The following RSPO2 variants were observed in gnomAD, a reference collection of about 807,000 sequenced individuals.
RSPO2 encodes the protein R-spondin-2.
RSPO2 carries 14 observed loss-of-function variants against 30.9 expected under a neutral mutation model. The observed-to-expected ratio is 0.45, with a 90% confidence interval of 0.30 to 0.71. The LOEUF is 0.71. RSPO2 is among the 30% of genes least tolerant of loss of function. The probability of loss-of-function intolerance (pLI) is 0.08; values close to 1 mark genes in which losing one functional copy is unlikely to be tolerated. For missense variants in RSPO2, 264 were observed against 301.9 expected (o/e 0.87, Z 0.93); for synonymous variants, 107 against 96.4 (o/e 1.11, Z -0.64).
At position 107,978,904 on chromosome 8, in the gene RSPO2, T is replaced by C. The variant is rs1328883633; in HGVS notation, c.283+10152A>G. 3.9e-5 allele frequency among the ~76,000 whole-genome samples: 6 copies of C among 152,256 alleles called. No individual in the cohort carries two copies. The East Asian group carries it at 9.7e-4, about 25-fold the overall frequency. On this transcript the variant is annotated intron_variant, in intron 3 of 5. Coordinates refer to ENST00000276659, the MANE Select transcript of RSPO2 (RefSeq NM_178565.5). ...CAGACACTTCTCAAAAGAAGACATT[T>C]ATGCAGCCAAAAAACACATGAAAAA...
chr8:108,027,190 C>A (rs1322794681), intron 2 of RSPO2, among the ~76,000 whole-genome samples: 1 of 152,194 alleles, frequency 6.6e-6, no homozygotes, highest in Non-Finnish European at 1.5e-5. Context: ...AATAATAAAG[C>A]TCATCATTTA....
chr8:107,948,193 A>C (rs1346651284), intron 5 of RSPO2, among the ~76,000 whole-genome samples: 1 of 152,144 alleles, frequency 6.6e-6, no homozygotes, highest in East Asian at 1.9e-4. Context: ...CCTGGCTATA[A>C]ACTCTCTTGT....
intron 2 of RSPO2, among the ~76,000 whole-genome samples, chr8:108,054,881 G>C (rs1291232333): frequency 6.6e-6 from 1 of 152,100 alleles, no homozygotes; most frequent in Admixed American, 6.5e-5. Flanking sequence ...TGGAAGCCTG[G>C]GGTGGGCAGA....
At chr8:107,966,678 A>G (rs1364396944) in intron 3 of RSPO2, among the ~76,000 whole-genome samples, 2 of 152,170 alleles carry the variant, frequency 1.3e-5, no homozygotes, top group Non-Finnish European at 2.9e-5. Context: ...GCACTTGGCA[A>G]ATGGACAGAG....
chr8:108,054,939 C>T (rs1394087861), intron 2 of RSPO2, among the ~76,000 whole-genome samples: 1 of 151,948 alleles, frequency 6.6e-6, no homozygotes, highest in East Asian at 1.9e-4. Context: ...CAAAGCAAAA[C>T]CCTGTCTCTA....
intron 3 of RSPO2, among the ~76,000 whole-genome samples, chr8:107,967,328 T>A (rs1403044631): frequency 6.6e-6 from 1 of 152,192 alleles, no homozygotes; most frequent in Non-Finnish European, 1.5e-5. Context: ...TAACATTTCC[T>A]CTCAAAACTT....
chr8:107,920,171 TTCTC>T (rs1812112192), intron 5 of RSPO2, among the ~76,000 whole-genome samples: 1 of 152,220 alleles, frequency 6.6e-6, no homozygotes, highest in Admixed American at 6.5e-5. Context: ...GAAGAGTTGA[TTCTC>T]TCTCTTTCTT....
chr8:107,955,913 C>T (rs1813419467), intron 5 of RSPO2, among the ~76,000 whole-genome samples: 1 of 152,194 alleles, frequency 6.6e-6, no homozygotes, highest in Admixed American at 6.5e-5. Context: ...CTGATTACGA[C>T]TTACATTTTT....
chr8:107,978,411 A>G (rs1455955968), intron 3 of RSPO2, among the ~76,000 whole-genome samples: 10 of 152,188 alleles, frequency 6.6e-5, no homozygotes, highest in African/African-American at 2.2e-4. Flanking sequence ...TGGGCAACAA[A>G]AAAAGAAGAA....
intron 2 of RSPO2, among the ~76,000 whole-genome samples, chr8:108,017,807 T>G (rs1810942146): frequency 6.6e-6 from 1 of 152,152 alleles, no homozygotes; most frequent in African/African-American, 2.4e-5. Flanking sequence ...CTTATGGAAA[T>G]AAAGAAATTT....
chr8:108,014,830 A>T (rs991469057), intron 2 of RSPO2, among the ~76,000 whole-genome samples: 15 of 149,444 alleles, frequency 1.0e-4, no homozygotes, highest in Admixed American at 2.0e-4. Flanking sequence ...TGTGTCCCAG[A>T]ACTTAAAGTA....
intron 2 of RSPO2, chr8:108,072,969 AAAAAT>A (rs1440072979): frequency 1.3e-5 from 2 of 152,230 alleles, no homozygotes; most frequent in East Asian, 1.9e-4. Context: ...TCTGAATTTA[AAAAAT>A]AAAATAAAAC....
intron 2 of RSPO2, among the ~76,000 whole-genome samples, chr8:108,032,379 T>C (rs1349175111): frequency 1.3e-5 from 2 of 152,176 alleles, no homozygotes; most frequent in African/African-American, 4.8e-5. Flanking sequence ...TCTTAAATTT[T>C]TCTGTCACCT....
At chr8:107,973,698 C>G (rs1279438162) in intron 3 of RSPO2, among the ~76,000 whole-genome samples, 3 of 152,242 alleles carry the variant, frequency 2.0e-5, no homozygotes, top group African/African-American at 4.8e-5. Context: ...TTTCTCCAGC[C>G]CCTGAAAGGT....
intron 5 of RSPO2, among the ~76,000 whole-genome samples, chr8:107,914,048 G>C (rs1811902656): frequency 6.6e-6 from 1 of 152,066 alleles, no homozygotes; most frequent in Non-Finnish European, 1.5e-5. Context: ...AATCACCAGT[G>C]AATCAGAGGT....
At chr8:107,947,021 A>G (rs983059104) in intron 5 of RSPO2, among the ~76,000 whole-genome samples, 4 of 152,262 alleles carry the variant, frequency 2.6e-5, no homozygotes, top group Non-Finnish European at 5.9e-5. Flanking sequence ...AGAGGAATGA[A>G]TACAAAATAC....
rs767290459 is a variant in RSPO2 at position 107,951,043 on chromosome 8, G to GT, written c.616+7036dup. ...TGTGATGAGGCGATAGGGAGAATAA[G>GT]TTTTTTTTTGTTGTTGTTGTTGTTG... On this transcript the variant is annotated intron_variant, in intron 5 of 5. Coordinates refer to ENST00000276659, the MANE Select transcript of RSPO2 (RefSeq NM_178565.5). Among the ~76,000 whole-genome samples the GT allele has an allele frequency of 7.1e-3, 609 of 85,862 alleles. 14 individuals are homozygous for GT. Among genetic ancestry groups the GT allele is most frequent in the Middle Eastern group, 0.021 (3 of 146 alleles). 56.3% of individuals were successfully genotyped at this position (85,862 alleles called of 152,430 possible).
At chr8:108,046,464 T>TA (rs1811911667) in intron 2 of RSPO2, among the ~76,000 whole-genome samples, 1 of 152,060 alleles carries the variant, frequency 6.6e-6, no homozygotes, top group East Asian at 1.9e-4. Context: ...TATGATATGA[T>TA]ATAAAGGGGA....
At chr8:108,022,042 A>G (rs1374817822) in intron 2 of RSPO2, among the ~76,000 whole-genome samples, 1 of 152,142 alleles carries the variant, frequency 6.6e-6, no homozygotes, top group South Asian at 2.1e-4. Context: ...CTAACCATTA[A>G]CAAAACTCCC....
Sources: allele counts gnomAD v4.1 joint callset (sites outside exome capture counted in the v4.1 genomes callset), GRCh38; gene constraint gnomAD v4.1.1; transcripts MANE v1.5; gene names NCBI Gene and HGNC (gene_info 2026-07-23, HGNC 2026-07-21).